UCK2: variants seen among roughly 807,000 people sequenced by gnomAD.
UCK2 encodes uridine-cytidine kinase 2.
UCK2 carries 6 observed loss-of-function variants against 30.8 expected under a neutral mutation model. The ratio of observed to expected loss-of-function variants is 0.19; its 90% CI spans 0.11 to 0.38. UCK2 has a LOEUF of 0.38. UCK2 is among the 10% of genes least tolerant of loss of function. The pLI is 1.00. For synonymous variants in UCK2, 125 were observed against 133.6 expected (o/e 0.94, Z 0.45); for missense variants, 210 against 339.8 (o/e 0.62, Z 3.00).
chr1:165,860,482 C>T (rs1481723370), intron 1 of UCK2, among the ~76,000 whole-genome samples: 1 of 151,980 alleles, frequency 6.6e-6, no homozygotes, highest in African/African-American at 2.4e-5. Flanking sequence ...GGGCCTCACT[C>T]CAGTTGCCCA....
chr1:165,902,042 T>G (rs1307664413), intron 4 of UCK2, among the ~76,000 whole-genome samples: 2 of 151,094 alleles, frequency 1.3e-5, no homozygotes, highest in East Asian at 1.9e-4. Flanking sequence ...GAGACCATCC[T>G]GGCTAACACG....
intron 3 of UCK2, among the ~76,000 whole-genome samples, chr1:165,892,983 G>T (rs1377824603): frequency 6.6e-6 from 1 of 152,168 alleles, no homozygotes; most frequent in Non-Finnish European, 1.5e-5. Flanking sequence ...GCCATAGGCG[G>T]CAGGGCCAGG....
chr1:165,897,577 A>G (rs1252231795), intron 4 of UCK2, among the ~76,000 whole-genome samples: 1 of 152,138 alleles, frequency 6.6e-6, no homozygotes, highest in Non-Finnish European at 1.5e-5. Flanking sequence ...TAGTCACAGG[A>G]CACATTATTG....
At chr1:165,879,082 A>G (rs1655409980) in intron 1 of UCK2, among the ~76,000 whole-genome samples, 1 of 152,196 alleles carries the variant, frequency 6.6e-6, no homozygotes, top group African/African-American at 2.4e-5. Context: ...ACATCTTTCC[A>G]TATGCTTATA....
chr1:165,834,194 A>G (rs1474363137), intron 1 of UCK2, among the ~76,000 whole-genome samples: 10 of 152,208 alleles, frequency 6.6e-5, no homozygotes, highest in Admixed American at 6.5e-4. Context: ...ATTTTTATTT[A>G]ATGATTATCA....
Position 165,880,564 on chromosome 1 carries a change from GGGGTGTGTGTGTGTGTGTGTGT to G in UCK2, c.100-9638_100-9617del, listed in dbSNP as rs1315421675. Among the ~76,000 whole-genome samples, 174 of 100,054 alleles carry G rather than the reference GGGGTGTGTGTGTGTGTGTGTGT, an allele frequency of 1.7e-3. 2 individuals carry two copies. Among genetic ancestry groups the G allele is most frequent in the African/African-American group, 5.3e-3 (161 of 30,390 alleles). The allele number at this position is 100,054 out of a possible 152,430, so 65.6% of individuals were successfully genotyped here. ...GCCTAGATCCATTCAGTTTTTTTTG[GGGGTGTGTGTGTGTGTGTGTGT>G]GTGTGTGTGTGTGTGTGTGTGTGTG... On this transcript the variant is annotated intron_variant, in intron 1 of 6. Coordinates refer to ENST00000367879, the MANE Select transcript of UCK2 (RefSeq NM_012474.5).
intron 5 of UCK2, 109 bp from the exon 6 acceptor site, chr1:165,905,805 TGCTCTTC>T (rs1647639954): frequency 6.3e-6 from 5 of 799,258 alleles, no homozygotes; most frequent in Non-Finnish European, 1.0e-5. Context: ...CCTTAAAAGG[TGCTCTTC>T]TGGGCTCGCT....
At position 165,909,079 on chromosome 1, in the gene UCK2, G is replaced by A. The variant is rs1647768963; in HGVS notation, c.*1256G>A. ...GCAGTTTTTACAAAGTATTTAAAAG[G>A]AGAGTATTTAAATCATAGGTACCTA... On this transcript the variant is annotated 3_prime_UTR_variant, in exon 7 of 7. Transcript: ENST00000367879. 1 of 152,208 alleles carries A rather than the reference G, an allele frequency of 6.6e-6. No homozygotes were observed. Among genetic ancestry groups the A allele is most frequent in the Non-Finnish European group, 1.5e-5 (1 of 68,040 alleles). The allele number at this position is 152,208 out of a possible 1,614,324, so 9.4% of individuals were successfully genotyped here. A position where few individuals can be genotyped will look rare whatever the true frequency, so the allele number is the denominator to read the frequency against.
At chr1:165,896,571 T>C (rs1250317626) in intron 4 of UCK2, among the ~76,000 whole-genome samples, 1 of 152,244 alleles carries the variant, frequency 6.6e-6, no homozygotes, top group African/African-American at 2.4e-5. Context: ...ACGAAAGGCT[T>C]GTGAGGTCAC....
At chr1:165,894,221 A>G (rs1655837330) in intron 3 of UCK2, 1 of 152,256 alleles carries the variant, frequency 6.6e-6, no homozygotes, top group Non-Finnish European at 1.5e-5. Context: ...TAACCTGGAT[A>G]TGTAAACTTA....
intron 1 of UCK2, among the ~76,000 whole-genome samples, chr1:165,828,267 C>T (rs1015294301): frequency 1.3e-5 from 2 of 152,172 alleles, no homozygotes; most frequent in African/African-American, 2.4e-5. Context: ...TTTTGCAACT[C>T]CAGTGTCGGG....
Position 165,903,179 on chromosome 1 carries a change from C to T in UCK2, c.500-3C>T. Reference sequence around the variant, plus strand: ...TTGATTCTTGTTTTCCCTTCTCTTACAGTATTAAGGGACATCAGCGAGAGA... The same window carrying T: ...TTGATTCTTGTTTTCCCTTCTCTTATAGTATTAAGGGACATCAGCGAGAGA... On this transcript the variant is annotated splice_polypyrimidine_tract_variant and splice_region_variant and intron_variant, in intron 4 of 6. Coordinates refer to ENST00000367879, the MANE Select transcript of UCK2 (RefSeq NM_012474.5). 9.9e-6 allele frequency: 16 copies of T among 1,608,444 alleles called. No individual in the cohort carries two copies. The highest frequency in any genetic ancestry group is 1.3e-5 in the Non-Finnish European group (15 of 1,176,344).
chr1:165,885,394 T>C (rs1655592550), intron 1 of UCK2: 1 of 398,572 alleles, frequency 2.5e-6, no homozygotes, highest in Non-Finnish European at 4.4e-6. Flanking sequence ...GTAAAGAAAT[T>C]GTGAATCACC....
intron 1 of UCK2, among the ~76,000 whole-genome samples, chr1:165,834,636 A>G (rs1654143869): frequency 6.6e-6 from 1 of 152,140 alleles, no homozygotes; most frequent in African/African-American, 2.4e-5. Flanking sequence ...GAACAATGAC[A>G]GAAGGTGACA....
At chr1:165,866,752 GAATC>G (rs1655056162) in intron 1 of UCK2, among the ~76,000 whole-genome samples, 1 of 152,146 alleles carries the variant, frequency 6.6e-6, no homozygotes, top group Non-Finnish European at 1.5e-5. Context: ...TAGTTAAGTG[GAATC>G]ACACAGCATT....
At chr1:165,906,034 C>A in intron 6 of UCK2, 65 bp downstream of exon 6, 2 of 1,517,476 alleles carry the variant, frequency 1.3e-6, no homozygotes, top group Non-Finnish European at 9.1e-7. Flanking sequence ...TAATTTGGGG[C>A]AGGATGTGGT....
chr1:165,856,039 A>G (rs1417901953), intron 1 of UCK2, among the ~76,000 whole-genome samples: 1 of 152,206 alleles, frequency 6.6e-6, no homozygotes, highest in Non-Finnish European at 1.5e-5. Flanking sequence ...GTATGAAAAT[A>G]TATATAAACC....
chr1:165,875,619 G>A (rs1210362823), intron 1 of UCK2, among the ~76,000 whole-genome samples: 1 of 152,186 alleles, frequency 6.6e-6, no homozygotes, highest in Non-Finnish European at 1.5e-5. Context: ...TTGACTTCAA[G>A]TCGAGGTTCC....
At chr1:165,876,561 G>A (rs1056482679) in intron 1 of UCK2, among the ~76,000 whole-genome samples, 1 of 152,152 alleles carries the variant, frequency 6.6e-6, no homozygotes, top group Non-Finnish European at 1.5e-5. Context: ...TGTATGTACA[G>A]GAGTGTACAT....
Sources: allele counts gnomAD v4.1 joint callset (sites outside exome capture counted in the v4.1 genomes callset), GRCh38; gene constraint gnomAD v4.1.1; transcripts MANE v1.5; gene names NCBI Gene and HGNC (gene_info 2026-07-23, HGNC 2026-07-21).